The following ALPK2 variants were observed in gnomAD, a reference collection of about 807,000 sequenced individuals.
The protein encoded by ALPK2 is alpha-protein kinase 2.
Under a neutral mutation model 163.1 loss-of-function variants are expected in ALPK2, and 127 were observed. The ratio of observed to expected loss-of-function variants is 0.78; its 90% CI spans 0.67 to 0.90. ALPK2 has a LOEUF of 0.90. Among genes scored for constraint, ALPK2 ranks in the 40% least tolerant of loss-of-function variants. The probability of loss-of-function intolerance (pLI) is 0.00; values close to 1 mark genes in which losing one functional copy is unlikely to be tolerated. For synonymous variants in ALPK2, 953 were observed against 959.1 expected (o/e 0.99, Z 0.12); for missense variants, 2,360 against 2,589.6 (o/e 0.91, Z 1.92).
chr18:58,626,662 A>C (rs549596220), intron 1 of ALPK2, among the ~76,000 whole-genome samples: 2 of 152,328 alleles, frequency 1.3e-5, no homozygotes, highest in Non-Finnish European at 2.9e-5. Flanking sequence ...GATAATAAGC[A>C]TCAATTATCC....
chr18:58,578,297 A>G (rs1234438905), intron 4 of ALPK2: 1 of 152,428 alleles, frequency 6.6e-6, no homozygotes, highest in Non-Finnish European at 1.5e-5. Flanking sequence ...AGTGAAGTCT[A>G]CAAGTCTTTC....
intron 4 of ALPK2, among the ~76,000 whole-genome samples, chr18:58,548,327 G>GTT (rs144781600): frequency 1.6e-4 from 23 of 144,384 alleles, no homozygotes; most frequent in East Asian, 1.0e-3. Flanking sequence ...CCTGTGTTTT[G>GTT]TTTTTTTTTT....
intron 1 of ALPK2, among the ~76,000 whole-genome samples, chr18:58,613,707 AAAATAATAATAATAAT>A (rs2052148142): frequency 1.0e-5 from 1 of 97,162 alleles, no homozygotes; most frequent in South Asian, 3.3e-4. Context: ...TCAAAAAAAA[AAAATAATAATAATAAT>A]AATAATAATA....
At position 58,503,921 on chromosome 18, in the gene ALPK2, C is replaced by G. The variant is rs371930496; in HGVS notation, c.6247+10G>C. 3 of 1,609,436 alleles carry G rather than the reference C, an allele frequency of 1.9e-6. No homozygotes were observed. The African/African-American group carries it at 4.0e-5, about 22-fold the overall frequency. On this transcript the variant is annotated intron_variant, in intron 11 of 12. Coordinates refer to ENST00000361673, the MANE Select transcript of ALPK2 (RefSeq NM_052947.4). The stretch of plus-strand genomic sequence containing the variant: ...CATCCCTGGAGCCTGGGCTAAGCTG[C>G]TTTCCTCACCTTGCATGTCCGTCAC...
chr18:58,483,176 T>C (rs926704036), intron 12 of ALPK2, among the ~76,000 whole-genome samples: 3 of 152,194 alleles, frequency 2.0e-5, no homozygotes, highest in Non-Finnish European at 4.4e-5. Context: ...GAATTTGCCT[T>C]CAACATGAAT....
At chr18:58,520,536 C>G (rs1011245161) in intron 8 of ALPK2, among the ~76,000 whole-genome samples, 9 of 150,490 alleles carry the variant, frequency 6.0e-5, no homozygotes, top group Non-Finnish European at 1.0e-4. Context: ...ACTGAGGTTC[C>G]TTGCTACACC....
At chr18:58,530,038 C>T (rs184285271) in intron 5 of ALPK2, among the ~76,000 whole-genome samples, 1 of 152,294 alleles carries the variant, frequency 6.6e-6, no homozygotes, top group African/African-American at 2.4e-5. Context: ...GAGTCTATCA[C>T]AAATTAAGTA....
chr18:58,578,733 G>GACACACACGCGCGCGCGCGCACAC (rs908380706), intron 4 of ALPK2, 81 bp downstream of exon 4: 6 of 533,294 alleles, frequency 1.1e-5, no homozygotes, highest in Middle Eastern at 6.1e-4. Context: ...TAAAGGAAGA[G>GACACACACGCGCGCGCGCGCACAC]ACACACACAC....
intron 9 of ALPK2, 25 bp downstream of exon 9, chr18:58,516,883 A>T (rs776977609): frequency 1.9e-6 from 3 of 1,604,090 alleles, no homozygotes; most frequent in Non-Finnish European, 1.7e-6. Flanking sequence ...ACCAGAAGTG[A>T]CAGCCTTTGG....
At chr18:58,519,418 C>A (rs1387356231) in intron 8 of ALPK2, among the ~76,000 whole-genome samples, 1 of 152,122 alleles carries the variant, frequency 6.6e-6, no homozygotes, top group African/African-American at 2.4e-5. Context: ...CTGCCATATC[C>A]TGTCTTCCTT....
intron 2 of ALPK2, among the ~76,000 whole-genome samples, chr18:58,609,871 A>C (rs7241664): frequency 6.6e-6 from 1 of 152,272 alleles, no homozygotes; most frequent in African/African-American, 2.4e-5. Context: ...CTGAAGACTC[A>C]AGGTCAGCTT....
rs1223716567 is a variant in ALPK2, at chr18:58,628,871, G to T, written c.-128C>A. On this transcript the variant is annotated 5_prime_UTR_variant, in exon 1 of 13. Coordinates refer to ENST00000361673, the MANE Select transcript of ALPK2 (RefSeq NM_052947.4). Reference sequence around the variant, plus strand: ...TGGGTGTCCCTGTTCCCGGGACAGGGATTCAAAGGAGTTTATAGGGCTCAG... The same window carrying T: ...TGGGTGTCCCTGTTCCCGGGACAGGTATTCAAAGGAGTTTATAGGGCTCAG... The T allele has an allele frequency of 6.6e-5, 10 of 152,222 alleles. No homozygotes were observed. Among genetic ancestry groups the T allele is most frequent in the Admixed American group, 5.9e-4 (9 of 15,282 alleles). 9.4% of individuals were successfully genotyped at this position (152,222 alleles called of 1,614,324 possible).
chr18:58,565,032 C>G (rs2051844442), intron 4 of ALPK2, among the ~76,000 whole-genome samples: 2 of 152,096 alleles, frequency 1.3e-5, no homozygotes, highest in South Asian at 2.1e-4. Context: ...ATAACATATA[C>G]TACTATGGAA....
chr18:58,495,634 C>A (rs900631492), intron 12 of ALPK2, among the ~76,000 whole-genome samples: 1 of 152,200 alleles, frequency 6.6e-6, no homozygotes, highest in East Asian at 1.9e-4. Flanking sequence ...TGACCATCTT[C>A]ATTTTTGAAA....
chr18:58,547,249 C>A (rs369070591), intron 4 of ALPK2, among the ~76,000 whole-genome samples: 9 of 152,200 alleles, frequency 5.9e-5, no homozygotes, highest in African/African-American at 2.2e-4. Flanking sequence ...CCTATGGCTT[C>A]TAGATCTAAT....
intron 8 of ALPK2, 92 bp downstream of exon 8, chr18:58,523,714 G>A (rs1405774088): frequency 1.3e-6 from 2 of 1,522,048 alleles, no homozygotes; most frequent in Admixed American, 1.7e-5. Flanking sequence ...GAAGAGTCCA[G>A]AGGATTACTG....
chr18:58,589,231 T>C (rs1331745716), intron 3 of ALPK2, among the ~76,000 whole-genome samples: 2 of 152,212 alleles, frequency 1.3e-5, no homozygotes, highest in African/African-American at 4.8e-5. Flanking sequence ...CTGTGGTTTT[T>C]CTTATTTGCA....
At chr18:58,509,906 A>G (rs908740814) in intron 10 of ALPK2, among the ~76,000 whole-genome samples, 2 of 151,920 alleles carry the variant, frequency 1.3e-5, no homozygotes, top group Non-Finnish European at 2.9e-5. Context: ...CCATTTGTCA[A>G]TTTTGGCTTT....
rs1183140059 is a variant in ALPK2, at chr18:58,536,875, A to T, written c.3312T>A (p.Asp1104Glu). The change falls in exon 5 of 13, where the codon GAT (aspartate) becomes GAA (glutamate). Residue 1104 changes from aspartate (D) to glutamate (E), a missense_variant. Coordinates refer to ENST00000361673, the MANE Select transcript of ALPK2 (RefSeq NM_052947.4). ...TCTGGCTCTTATCTCCAGACAGGTT[A>T]TCAACCTGAAGAGGGGAATTACTGC... Reference protein sequence around the residue: ...GFCSNSPLQVDNLSGDKSQTV... With the variant: ...GFCSNSPLQVENLSGDKSQTV... 4 of 1,614,180 alleles carry T rather than the reference A, an allele frequency of 2.5e-6. No individual in the cohort carries two copies. The highest frequency in any genetic ancestry group is 2.2e-5 in the South Asian group (2 of 91,076).
Sources: allele counts gnomAD v4.1 joint callset (sites outside exome capture counted in the v4.1 genomes callset), GRCh38; gene constraint gnomAD v4.1.1; transcripts MANE v1.5; gene names NCBI Gene and HGNC (gene_info 2026-07-23, HGNC 2026-07-21).